Variants in SDK1 observed in about 807,000 individuals in gnomAD.
The protein encoded by SDK1 is protein sidekick-1.
In SDK1, 157 loss-of-function variants were observed where a neutral mutation model predicts 245.5. The observed-to-expected ratio is 0.64, with a 90% CI of 0.56 to 0.73. The LOEUF (loss-of-function observed/expected upper bound fraction) is 0.73, where lower values mean the gene tolerates loss of function less well. SDK1 is among the 30% of genes least tolerant of loss of function. The pLI is 0.00. For synonymous variants in SDK1, 1,647 were observed against 1,278.5 expected (o/e 1.29, Z -6.15); for missense variants, 3,583 against 3,002.3 (o/e 1.19, Z -4.52).
At chr7:4,224,738 T>G (rs1327360278) in intron 40 of SDK1, among the ~76,000 whole-genome samples, 1 of 151,994 alleles carries the variant, frequency 6.6e-6, no homozygotes, top group East Asian at 1.9e-4. Flanking sequence ...CCCAGCACTT[T>G]GGGAGGCCGA....
intron 4 of SDK1, among the ~76,000 whole-genome samples, chr7:3,762,234 TTCTGGGTCTCCTATGGGAC>T (rs1780127561): frequency 6.6e-6 from 1 of 151,228 alleles, no homozygotes; most frequent in African/African-American, 2.5e-5. Flanking sequence ...CTATGGGACA[TTCTGGGTCTCCTATGGGAC>T]GTACTGGGTG....
chr7:3,931,297 G>A (rs1779969272), intron 5 of SDK1, among the ~76,000 whole-genome samples: 1 of 152,160 alleles, frequency 6.6e-6, no homozygotes, highest in Non-Finnish European at 1.5e-5. Context: ...TCAGTCTGGG[G>A]CATTTTCTTT....
intron 1 of SDK1, among the ~76,000 whole-genome samples, chr7:3,452,491 G>A (rs1277747408): frequency 6.6e-6 from 1 of 152,084 alleles, no homozygotes; most frequent in African/African-American, 2.4e-5. Context: ...TGTCAAAAAA[G>A]CAAGAAAGTT....
chr7:3,346,827 A>ATATATAATTTTTTTTTTTTTT (rs1228887289), intron 1 of SDK1, among the ~76,000 whole-genome samples: 1 of 16,388 alleles, frequency 6.1e-5, no homozygotes, highest in Non-Finnish European at 1.1e-4. Flanking sequence ...ATATATATAT[A>ATATATAATTTTTTTTTTTTTT]TTTTTTTTTT....
intron 1 of SDK1, among the ~76,000 whole-genome samples, chr7:3,447,699 CTTTT>C (rs56137514): frequency 7.8e-5 from 7 of 89,534 alleles, no homozygotes; most frequent in Admixed American, 1.3e-4. Context: ...GCTTATATAT[CTTTT>C]TTTTTTTTTT....
chr7:3,720,269 A>G (rs572156084), intron 4 of SDK1, among the ~76,000 whole-genome samples: 31 of 152,228 alleles, frequency 2.0e-4, no homozygotes, highest in Middle Eastern at 6.8e-3. Context: ...AAACAACAAC[A>G]AAAAAAGTAT....
At chr7:4,168,039 G>A (rs1781602439) in intron 32 of SDK1, among the ~76,000 whole-genome samples, 1 of 152,220 alleles carries the variant, frequency 6.6e-6, no homozygotes, top group Admixed American at 6.5e-5. Context: ...CCAAAGTCCA[G>A]GAATGGAAAA....
At chr7:3,820,539 C>T (rs922715121) in intron 4 of SDK1, among the ~76,000 whole-genome samples, 3 of 152,210 alleles carry the variant, frequency 2.0e-5, no homozygotes, top group Non-Finnish European at 2.9e-5. Flanking sequence ...CCATAAAACA[C>T]CCATTTCAAA....
Position 3,578,263 on chromosome 7 carries a change from ATTAAGGATTTTATTAAGGATT to A in SDK1, c.299-40816_299-40796del, listed in dbSNP as rs1285299182. The stretch of plus-strand genomic sequence containing the variant: ...ACCAGCAAGTTTTATTAAGGATTTC[ATTAAGGATTTTATTAAGGATT>A]AAGGGGAGGGGGTGCAAGAACAGGG... On this transcript the variant is annotated intron_variant, in intron 1 of 44. Transcript: ENST00000404826. Among the ~76,000 whole-genome samples, 392 of 152,110 alleles carry A rather than the reference ATTAAGGATTTTATTAAGGATT, an allele frequency of 2.6e-3. 2 individuals carry two copies. Among genetic ancestry groups the A allele is most frequent in the African/African-American group, 9.0e-3 (373 of 41,554 alleles).
At chr7:3,839,829 TTA>T (rs1017272898) in intron 5 of SDK1, among the ~76,000 whole-genome samples, 2 of 152,186 alleles carry the variant, frequency 1.3e-5, no homozygotes, top group Non-Finnish European at 2.9e-5. Context: ...ACATTTAGTT[TTA>T]GAGTCACAGG....
At chr7:3,412,924 T>C (rs1420779492) in intron 1 of SDK1, among the ~76,000 whole-genome samples, 1 of 152,190 alleles carries the variant, frequency 6.6e-6, no homozygotes, top group Non-Finnish European at 1.5e-5. Context: ...AAACCTACTA[T>C]TTGGTTCTAG....
At chr7:3,543,032 T>C (rs1308579240) in intron 1 of SDK1, among the ~76,000 whole-genome samples, 1 of 152,222 alleles carries the variant, frequency 6.6e-6, no homozygotes, top group Non-Finnish European at 1.5e-5. Context: ...TTTGTTGTTA[T>C]TTTGTTCTCA....
At chr7:4,088,670 C>A (rs536355058) in intron 22 of SDK1, among the ~76,000 whole-genome samples, 1 of 152,154 alleles carries the variant, frequency 6.6e-6, no homozygotes. Context: ...TCACACTGCC[C>A]TTCTGTTTCA....
At chr7:4,022,819 G>GATGGT in intron 17 of SDK1, among the ~76,000 whole-genome samples, 1 of 148,318 alleles carries the variant, frequency 6.7e-6, no homozygotes, top group East Asian at 2.0e-4. Flanking sequence ...TGTCTCCCAG[G>GATGGT]CTGGAGTGCA....
chr7:4,151,549 C>T (rs1234355307), intron 30 of SDK1, among the ~76,000 whole-genome samples: 2 of 152,154 alleles, frequency 1.3e-5, no homozygotes, highest in Non-Finnish European at 2.9e-5. Flanking sequence ...GCTTGATGTC[C>T]CCTCTGAGGT....
At chr7:3,745,566 A>C (rs908509218) in intron 4 of SDK1, among the ~76,000 whole-genome samples, 1 of 152,126 alleles carries the variant, frequency 6.6e-6, no homozygotes, top group Non-Finnish European at 1.5e-5. Context: ...ATAATTCTAA[A>C]TTCTATACAA....
At chr7:4,212,571 T>A (rs1784564633) in intron 38 of SDK1, among the ~76,000 whole-genome samples, 2 of 152,192 alleles carry the variant, frequency 1.3e-5, no homozygotes, top group Non-Finnish European at 2.9e-5. Context: ...TGTTGTGACC[T>A]TCCGAGTGCC....
At chr7:3,662,994 G>T (rs1783413469) in intron 4 of SDK1, among the ~76,000 whole-genome samples, 1 of 152,204 alleles carries the variant, frequency 6.6e-6, no homozygotes, top group African/African-American at 2.4e-5. Flanking sequence ...GTATATGCAA[G>T]TATGCATGCA....
intron 2 of SDK1, among the ~76,000 whole-genome samples, chr7:3,635,753 C>A (rs1782437897): frequency 6.6e-6 from 1 of 152,164 alleles, no homozygotes; most frequent in Admixed American, 6.6e-5. Context: ...GTCACCCAGG[C>A]TGGAGTGCAG....
Sources: gnomAD v4.1 joint callset for allele counts (sites outside exome capture counted in the v4.1 genomes callset) on GRCh38, gnomAD v4.1.1 for gene constraint, MANE v1.5 for transcripts, NCBI Gene and HGNC (gene_info 2026-07-23, HGNC 2026-07-21) for gene names.